Variants in GLRA3 observed in about 807,000 individuals in gnomAD.
GLRA3 encodes the protein glycine receptor alpha 3, also known as glycine receptor subunit alpha-3.
Under a neutral mutation model 60.4 loss-of-function variants are expected in GLRA3, and 44 were observed. That is an observed-to-expected ratio of 0.73 (90% CI 0.57 to 0.94). GLRA3 has a LOEUF of 0.94. GLRA3 is among the 40% of genes least tolerant of loss of function. The pLI, the probability that GLRA3 is intolerant of heterozygous loss-of-function variation, is 0.00. For synonymous variants in GLRA3, 223 were observed against 192.9 expected (o/e 1.16, Z -1.29); for missense variants, 508 against 564.6 (o/e 0.90, Z 1.02).
intron 9 of GLRA3, among the ~76,000 whole-genome samples, chr4:174,644,354 T>TA (rs576426976): frequency 0.051 from 7,574 of 147,244 alleles, 317 homozygotes; most frequent in Admixed American, 0.15. Flanking sequence ...ATATCTAAAT[T>TA]AAAAAAAAAA....
chr4:174,761,274 C>G (rs1350332380), intron 3 of GLRA3, among the ~76,000 whole-genome samples: 1 of 151,818 alleles, frequency 6.6e-6, no homozygotes, highest in African/African-American at 2.4e-5. Flanking sequence ...ATTTTTTATG[C>G]TGTATTGGCT....
chr4:174,806,758 G>A (rs1480288334), intron 1 of GLRA3, among the ~76,000 whole-genome samples: 1 of 151,822 alleles, frequency 6.6e-6, no homozygotes, highest in Non-Finnish European at 1.5e-5. Context: ...CGGGAGTCCT[G>A]GAATCAATCC....
intron 3 of GLRA3, among the ~76,000 whole-genome samples, chr4:174,757,467 T>C (rs1737765948): frequency 6.6e-6 from 1 of 152,232 alleles, no homozygotes; most frequent in East Asian, 1.9e-4. Flanking sequence ...AAGATGAGTC[T>C]GGAACATCTT....
At position 174,643,369 on chromosome 4, in the gene GLRA3, AGTTTT is replaced by A; in HGVS notation, c.*412_*416del. ...TTTTGTAACTATACTATAAGAAAAT[AGTTTT>A]AAATCTCAAACTATTGGTTTACTGT... On this transcript the variant is annotated 3_prime_UTR_variant, in exon 10 of 10. Coordinates refer to ENST00000274093, the MANE Select transcript of GLRA3 (RefSeq NM_006529.4). The A allele has an allele frequency of 2.8e-6, 1 of 352,942 alleles. No individual in the cohort carries two copies. Among genetic ancestry groups the A allele is most frequent in the Non-Finnish European group, 3.2e-6 (1 of 316,712 alleles). 21.9% of individuals were successfully genotyped at this position (352,942 alleles called of 1,614,324 possible). A position where few individuals can be genotyped will look rare whatever the true frequency, so the allele number is the denominator to read the frequency against.
At chr4:174,779,376 GA>G (rs1738770604) in intron 2 of GLRA3, among the ~76,000 whole-genome samples, 1 of 152,166 alleles carries the variant, frequency 6.6e-6, no homozygotes, top group South Asian at 2.1e-4. Context: ...AAACAGAACA[GA>G]AAAACTCGAA....
chr4:174,666,758 A>ATT (rs200603287), intron 7 of GLRA3, among the ~76,000 whole-genome samples: 97 of 48,278 alleles, frequency 2.0e-3, no homozygotes, highest in Middle Eastern at 0.022. Context: ...ATATATATAT[A>ATT]TTATATATAT....
intron 2 of GLRA3, among the ~76,000 whole-genome samples, chr4:174,768,689 C>T (rs946926767): frequency 3.9e-5 from 6 of 152,032 alleles, no homozygotes; most frequent in African/African-American, 1.4e-4. Context: ...GGAAATATTC[C>T]ATCATTAACA....
rs568944093 is a variant in GLRA3 at position 174,699,412 on chromosome 4, ATAC to A, written c.574+16073_574+16075del. Among the ~76,000 whole-genome samples, 63 of 152,364 alleles carry A rather than the reference ATAC, an allele frequency of 4.1e-4. 1 individual carries two copies. In the South Asian group the frequency reaches 0.012, roughly 30 times the overall value. ...GCAATCAAAGCCTACAATATCAAGT[ATAC>A]CTACAATGAAAATGACATTGGCACA... On this transcript the variant is annotated intron_variant, in intron 5 of 9. Transcript: ENST00000274093.
intron 2 of GLRA3, among the ~76,000 whole-genome samples, chr4:174,770,820 C>T (rs922527438): frequency 6.6e-6 from 1 of 151,674 alleles, no homozygotes; most frequent in African/African-American, 2.4e-5. Context: ...TTATGTGCCA[C>T]TATGTGGGAG....
At chr4:174,786,008 A>G (rs948357419) in intron 2 of GLRA3, among the ~76,000 whole-genome samples, 9 of 149,488 alleles carry the variant, frequency 6.0e-5, no homozygotes, top group African/African-American at 1.7e-4. Flanking sequence ...GCCTCAATCA[A>G]TCCTCCTGCC....
At chr4:174,690,817 A>G (rs1039197350) in intron 5 of GLRA3, among the ~76,000 whole-genome samples, 2 of 152,194 alleles carry the variant, frequency 1.3e-5, no homozygotes, top group East Asian at 1.9e-4. Context: ...AGCTCCATCA[A>G]TGTTCCCACA....
At chr4:174,767,117 C>T in intron 2 of GLRA3, 87 bp from the exon 3 acceptor site, 2 of 660,754 alleles carry the variant, frequency 3.0e-6, no homozygotes, top group East Asian at 2.7e-5. Context: ...TATTATTATT[C>T]CATTTTACAC....
intron 5 of GLRA3, among the ~76,000 whole-genome samples, chr4:174,689,734 G>A (rs1229472799): frequency 9.1e-6 from 1 of 110,466 alleles, no homozygotes; most frequent in African/African-American, 3.5e-5. Context: ...CCACTTAAAA[G>A]GCACAGAGTG....
At chr4:174,803,681 T>C (rs974801697) in intron 1 of GLRA3, among the ~76,000 whole-genome samples, 1 of 152,222 alleles carries the variant, frequency 6.6e-6, no homozygotes, top group African/African-American at 2.4e-5. Context: ...TTGAATACCA[T>C]GACTCTTTCG....
intron 4 of GLRA3, among the ~76,000 whole-genome samples, chr4:174,724,054 G>A (rs1736227137): frequency 6.6e-6 from 1 of 150,910 alleles, no homozygotes; most frequent in African/African-American, 2.4e-5. Flanking sequence ...ATATTTGTGT[G>A]TGTGTGTGTA....
At chr4:174,753,780 A>G (rs1737576263) in intron 3 of GLRA3, among the ~76,000 whole-genome samples, 1 of 152,166 alleles carries the variant, frequency 6.6e-6, no homozygotes, top group Admixed American at 6.5e-5. Flanking sequence ...TTTGACACAT[A>G]TCTTTGCCAT....
intron 8 of GLRA3, among the ~76,000 whole-genome samples, chr4:174,657,715 C>T (rs904354677): frequency 6.6e-6 from 1 of 152,082 alleles, no homozygotes; most frequent in Non-Finnish European, 1.5e-5. Context: ...AGAAATGTAA[C>T]AGACCAGTAG....
chr4:174,765,285 G>T (rs1247463931), intron 3 of GLRA3, among the ~76,000 whole-genome samples: 3 of 151,936 alleles, frequency 2.0e-5, no homozygotes, highest in Admixed American at 6.6e-5. Context: ...CATAAAAAAG[G>T]CACTTTCAGA....
In GLRA3 at chr4:174,642,164, T is replaced by A. The variant is rs1214296813; in HGVS notation, c.*1622A>T. ...GCTTAACATTTACTATTTTTTAAAA[T>A]GTTATTTTAAAAAATTACAATTGTA... On this transcript the variant is annotated 3_prime_UTR_variant, in exon 10 of 10. Coordinates refer to ENST00000274093, the MANE Select transcript of GLRA3 (RefSeq NM_006529.4). 1 of 862,566 alleles carries A rather than the reference T, an allele frequency of 1.2e-6. No homozygotes were observed. Among genetic ancestry groups the A allele is most frequent in the African/African-American group, 1.8e-5 (1 of 54,774 alleles). 53.4% of individuals were successfully genotyped at this position (862,566 alleles called of 1,614,324 possible). A position where few individuals can be genotyped will look rare whatever the true frequency, so the allele number is the denominator to read the frequency against.
Sources: allele counts gnomAD v4.1 joint callset (sites outside exome capture counted in the v4.1 genomes callset), GRCh38; gene constraint gnomAD v4.1.1; transcripts MANE v1.5; gene names NCBI Gene and HGNC (gene_info 2026-07-23, HGNC 2026-07-21).